The following SPATA6 variants were observed in gnomAD, a reference collection of about 807,000 sequenced individuals.
SPATA6 encodes spermatogenesis associated 6.
In SPATA6, 56 loss-of-function variants were observed where a neutral mutation model predicts 65.3. The observed-to-expected ratio is 0.86, with a 90% CI of 0.69 to 1.07. SPATA6 has a LOEUF of 1.07. Ranked by LOEUF, SPATA6 falls within the 50% of genes least tolerant of loss-of-function variation. The pLI is 0.00. For missense variants in SPATA6, 590 were observed against 594.8 expected (o/e 0.99, Z 0.08); for synonymous variants, 199 against 213.2 (o/e 0.93, Z 0.58).
At chr1:48,348,113 A>G (rs965877036) in intron 11 of SPATA6, among the ~76,000 whole-genome samples, 2 of 152,008 alleles carry the variant, frequency 1.3e-5, no homozygotes, top group Non-Finnish European at 2.9e-5. Context: ...TTTTGCGGGC[A>G]GTGGGCAAGA....
chr1:48,355,838 G>C, intron 10 of SPATA6, 69 bp from the exon 11 acceptor site: 1 of 1,217,126 alleles, frequency 8.2e-7, no homozygotes. Context: ...ATACTATCAA[G>C]TTTTCACAGT....
At chr1:48,317,542 G>A (rs188886107) in intron 11 of SPATA6, among the ~76,000 whole-genome samples, 1 of 152,078 alleles carries the variant, frequency 6.6e-6, no homozygotes, top group East Asian at 1.9e-4. Flanking sequence ...TGGGGGGAGA[G>A]GGGAGGGATA....
At chr1:48,274,487 G>A in the SPATA6 span, among the ~76,000 whole-genome samples, 1 of 152,120 alleles carries the variant, frequency 6.6e-6, no homozygotes, top group South Asian at 2.1e-4. Flanking sequence ...TTACTTTTAA[G>A]TCTTTAATCC....
At chr1:48,364,632 A>C (rs867546841) in intron 9 of SPATA6, among the ~76,000 whole-genome samples, 19 of 152,108 alleles carry the variant, frequency 1.2e-4, no homozygotes, top group Admixed American at 2.6e-4. Flanking sequence ...ATCCTTTGCC[A>C]ACTTTTTGAT....
At chr1:48,277,443 GAT>G in the SPATA6 span, among the ~76,000 whole-genome samples, 1 of 152,202 alleles carries the variant, frequency 6.6e-6, no homozygotes, top group Non-Finnish European at 1.5e-5. Flanking sequence ...AGGGGTGACA[GAT>G]GGCACCTGGA....
chr1:48,292,362 C>T (rs933708707), downstream of SPATA6, among the ~76,000 whole-genome samples: 7 of 152,184 alleles, frequency 4.6e-5, no homozygotes, highest in Non-Finnish European at 1.0e-4. Flanking sequence ...CATTTGGCAA[C>T]TATGTTGTCC....
chr1:48,359,060 C>G (rs1246312369), intron 10 of SPATA6, among the ~76,000 whole-genome samples: 1 of 152,114 alleles, frequency 6.6e-6, no homozygotes, highest in Non-Finnish European at 1.5e-5. Flanking sequence ...TGAAAAGGAA[C>G]TATTTATTTC....
chr1:48,413,534 C>G lies in SPATA6; in HGVS notation c.239-383G>C, dbSNP rs1299059677. ...GGCCAGGATGGTCTCGATCTCCTGA[C>G]CTTGTGATCCACCCACCTCGGCCTT... On this transcript the variant is annotated intron_variant, in intron 3 of 12. Transcript: ENST00000371847. Among the ~76,000 whole-genome samples, 27 of 149,630 alleles carry G rather than the reference C, an allele frequency of 1.8e-4. No homozygotes were observed. In the Admixed American group the frequency reaches 1.8e-3, roughly 10 times the overall value.
intron 11 of SPATA6, among the ~76,000 whole-genome samples, chr1:48,349,102 A>T (rs1175934775): frequency 1.3e-5 from 2 of 152,054 alleles, no homozygotes; most frequent in Non-Finnish European, 2.9e-5. Context: ...CTATAAAAAT[A>T]GAATATTTTA....
At chr1:48,327,053 T>C (rs1245161141) in intron 11 of SPATA6, among the ~76,000 whole-genome samples, 7 of 152,084 alleles carry the variant, frequency 4.6e-5, no homozygotes, top group Admixed American at 3.9e-4. Context: ...ATCAACATAG[T>C]AAACAGACAA....
chr1:48,431,391 C>A (rs1176949729), intron 3 of SPATA6, among the ~76,000 whole-genome samples: 2 of 151,826 alleles, frequency 1.3e-5, no homozygotes, highest in Non-Finnish European at 2.9e-5. Flanking sequence ...AACAGAGAAC[C>A]TAAAAAAACA....
intron 11 of SPATA6, among the ~76,000 whole-genome samples, chr1:48,313,345 CT>C (rs1254784631): frequency 6.6e-6 from 1 of 152,188 alleles, no homozygotes; most frequent in Non-Finnish European, 1.5e-5. Context: ...CAGCTGATCT[CT>C]TGGCAGAAAC....
At chr1:48,425,368 C>T (rs1191117027) in intron 3 of SPATA6, among the ~76,000 whole-genome samples, 1 of 152,048 alleles carries the variant, frequency 6.6e-6, no homozygotes, top group Non-Finnish European at 1.5e-5. Context: ...CAGAAGGGAA[C>T]CTTTTAGATG....
At chr1:48,432,424 C>G (rs909664473) in intron 3 of SPATA6, among the ~76,000 whole-genome samples, 2 of 151,922 alleles carry the variant, frequency 1.3e-5, no homozygotes, top group Non-Finnish European at 2.9e-5. Flanking sequence ...CTAGAATACA[C>G]AGAAAATTCC....
chr1:48,302,682 A>G (rs1644968623), intron 12 of SPATA6, among the ~76,000 whole-genome samples: 1 of 152,176 alleles, frequency 6.6e-6, no homozygotes, highest in Non-Finnish European at 1.5e-5. Context: ...ACATTCAGCC[A>G]TAAATTAGTG....
At chr1:48,273,776 T>A in the SPATA6 span, among the ~76,000 whole-genome samples, 5 of 152,254 alleles carry the variant, frequency 3.3e-5, no homozygotes, top group African/African-American at 1.2e-4. Flanking sequence ...AAGTGTTTGC[T>A]ATTGTGAACA....
At chr1:48,411,864 C>G (rs1273152673) in intron 4 of SPATA6, among the ~76,000 whole-genome samples, 2 of 151,686 alleles carry the variant, frequency 1.3e-5, no homozygotes, top group Non-Finnish European at 2.9e-5. Context: ...GTTTTTGAGA[C>G]AGACTTTTTT....
intron 9 of SPATA6, among the ~76,000 whole-genome samples, chr1:48,371,304 TA>T (rs1647261936): frequency 6.6e-6 from 1 of 152,084 alleles, no homozygotes; most frequent in African/African-American, 2.4e-5. Context: ...GATAGATAGA[TA>T]GATAGATAGA....
intron 3 of SPATA6, chr1:48,436,391 G>A: frequency 6.2e-7 from 1 of 1,611,692 alleles, no homozygotes; most frequent in Non-Finnish European, 8.5e-7. Context: ...ATGGCCTATG[G>A]TTCAGCAAGT....
Sources: allele counts gnomAD v4.1 joint callset (sites outside exome capture counted in the v4.1 genomes callset), GRCh38; gene constraint gnomAD v4.1.1; transcripts MANE v1.5; gene names NCBI Gene and HGNC (gene_info 2026-07-23, HGNC 2026-07-21).